C4orf50: variants seen among roughly 807,000 people sequenced by gnomAD.
The protein encoded by C4orf50 is uncharacterized protein C4orf50.
Under a neutral mutation model 77.2 loss-of-function variants are expected in C4orf50, and 80 were observed. The ratio of observed to expected loss-of-function variants is 1.04; its 90% confidence interval spans 0.87 to 1.25. C4orf50 has a LOEUF of 1.25. Ranked by LOEUF, C4orf50 falls within the 50% of genes most tolerant of loss-of-function variation. The pLI, the probability that C4orf50 is intolerant of heterozygous loss-of-function variation, is 0.00. For missense variants in C4orf50, 1,257 were observed against 1,152.9 expected (o/e 1.09, Z -1.31); for synonymous variants, 532 against 465.3 (o/e 1.14, Z -1.84).
chr4:6,004,145 G>T (rs1359522578), intron 25 of C4orf50, among the ~76,000 whole-genome samples: 2 of 141,838 alleles, frequency 1.4e-5, no homozygotes, highest in Admixed American at 6.9e-5. Flanking sequence ...TGATGGTGAT[G>T]ATGGTGATGG....
chr4:5,992,817 A>G lies in C4orf50; in HGVS notation c.1207T>C (p.Ser403Pro). Residue 403 changes from serine to proline, a missense_variant, in exon 27 of 34, where the codon TCC (serine) becomes CCC (proline). Coordinates refer to ENST00000531445, the Ensembl canonical transcript of C4orf50. This position sits in a 1 kb window ranked among gnomAD's most constrained non-coding sequence, Gnocchi z 5.0. ...TCTGGCCTCACCTGTTCACGGTTGG[A>G]TCCGGCCAGGTCTCTGGGGAGCTCG... 1 of 399,092 alleles carries G rather than the reference A, an allele frequency of 2.5e-6. No homozygotes were observed. Among genetic ancestry groups the G allele is most frequent in the Non-Finnish European group, 4.4e-6 (1 of 226,122 alleles). 24.7% of individuals were successfully genotyped at this position (399,092 alleles called of 1,614,324 possible).
intron 25 of C4orf50, among the ~76,000 whole-genome samples, chr4:6,003,972 GCGATGATAGTGA>G (rs1722015014): frequency 7.2e-6 from 1 of 139,546 alleles, no homozygotes; most frequent in Admixed American, 7.3e-5. Context: ...TGATGTGATG[GCGATGATAGTGA>G]TGATGGTGAT....
rs1405618352 is a variant in C4orf50 at position 6,009,971 on chromosome 4, G to A, written c.427-1439C>T. 2.6e-5 allele frequency among the ~76,000 whole-genome samples: 4 copies of A among 152,184 alleles called. No individual in the cohort carries two copies. The highest frequency in any genetic ancestry group is 5.9e-5 in the Non-Finnish European group (4 of 68,024). On this transcript the variant is annotated intron_variant, in intron 24 of 33. Coordinates refer to ENST00000531445, the Ensembl canonical transcript of C4orf50. This position sits in a 1 kb window ranked among gnomAD's most constrained non-coding sequence, Gnocchi z 5.6. ...AGACAGATTTAATAAGACGACGCGT[G>A]TAGAAAAGGGCTTAGTGTTCCCCTG...
At chr4:5,929,606 C>A (rs1010351529) in intron 7 of C4orf50, among the ~76,000 whole-genome samples, 2 of 152,196 alleles carry the variant, frequency 1.3e-5, no homozygotes, top group African/African-American at 2.4e-5. Flanking sequence ...TTCTTATAAG[C>A]AGAAAGAATA....
At chr4:5,930,386 C>A (rs1212444791) in intron 7 of C4orf50, among the ~76,000 whole-genome samples, 2 of 152,230 alleles carry the variant, frequency 1.3e-5, no homozygotes, top group African/African-American at 2.4e-5. Flanking sequence ...CCTTGCTTGA[C>A]TTCCTATCCC....
chr4:5,954,529 G>C (rs946576559), downstream of C4orf50, among the ~76,000 whole-genome samples: 5 of 152,216 alleles, frequency 3.3e-5, no homozygotes, highest in South Asian at 1.0e-3. This position sits in a 1 kb window ranked among gnomAD's most constrained non-coding sequence, Gnocchi z 4.7. Flanking sequence ...TGGGAGGATG[G>C]GGGAGGGGGG....
At chr4:5,984,720 A>G (rs1185705104) in intron 28 of C4orf50, among the ~76,000 whole-genome samples, 1 of 152,174 alleles carries the variant, frequency 6.6e-6, no homozygotes, top group African/African-American at 2.4e-5. Flanking sequence ...GATGTGAAAT[A>G]AAGCCAAAAA....
chr4:5,968,461 A>G (rs892020788), intron 31 of C4orf50, among the ~76,000 whole-genome samples: 2 of 152,148 alleles, frequency 1.3e-5, no homozygotes, highest in African/African-American at 2.4e-5. Flanking sequence ...AGGCTTCGGT[A>G]CCAGGCACAA....
chr4:5,969,391 T>A (rs190058622), intron 31 of C4orf50, among the ~76,000 whole-genome samples: 173 of 150,722 alleles, frequency 1.1e-3, no homozygotes, highest in Non-Finnish European at 2.1e-3. Flanking sequence ...TAGACCAGAT[T>A]CCATTTCCAA....
rs750868258 is a variant in C4orf50, at chr4:5,970,231, C to T, written c.4105-2769G>A. ...ACAGGCCCAGGAAGGTGCCCTGAGCCCTGCTCACTCAAGGCGTCCAGGGGA... is the reference window on the plus strand; with the variant it reads ...ACAGGCCCAGGAAGGTGCCCTGAGCTCTGCTCACTCAAGGCGTCCAGGGGA... On this transcript the variant is annotated intron_variant, in intron 31 of 33. Transcript: ENST00000531445. The surrounding 1 kb of genome is among the most constrained non-coding windows in gnomAD (Gnocchi z 4.3). Among the ~76,000 whole-genome samples the T allele has an allele frequency of 6.6e-6, 1 of 151,934 alleles. No individual in the cohort carries two copies. Among genetic ancestry groups the T allele is most frequent in the Non-Finnish European group, 1.5e-5 (1 of 68,010 alleles).
chr4:5,909,955 T>C (rs1305962292), intron 7 of C4orf50, among the ~76,000 whole-genome samples: 1 of 152,334 alleles, frequency 6.6e-6, no homozygotes, highest in East Asian at 1.9e-4. Context: ...CCCAGCATTT[T>C]TTCCCCCCTC....
intron 7 of C4orf50, among the ~76,000 whole-genome samples, chr4:5,913,325 G>A (rs1324608962): frequency 6.6e-6 from 1 of 152,170 alleles, no homozygotes; most frequent in African/African-American, 2.4e-5. Flanking sequence ...TGAGGAGGAG[G>A]CCGTGTCTCT....
chr4:5,926,093 A>G (rs977161558), intron 7 of C4orf50, among the ~76,000 whole-genome samples: 1 of 152,190 alleles, frequency 6.6e-6, no homozygotes, highest in Non-Finnish European at 1.5e-5. Flanking sequence ...CTTTCGCCCA[A>G]CGTGTCTTTC....
chr4:5,937,122 G>A (rs866523400), intron 7 of C4orf50, among the ~76,000 whole-genome samples: 2 of 151,746 alleles, frequency 1.3e-5, no homozygotes, highest in African/African-American at 2.4e-5. Flanking sequence ...GTGCTCCAGG[G>A]AGAACTAAAC....
chr4:5,984,547 T>C (rs1720761113), intron 28 of C4orf50, among the ~76,000 whole-genome samples: 1 of 152,210 alleles, frequency 6.6e-6, no homozygotes, highest in South Asian at 2.1e-4. Flanking sequence ...AAAATTGATA[T>C]TCTAGAACTG....
chr4:5,903,436 C>T (rs1716420906), intron 7 of C4orf50: 1 of 152,198 alleles, frequency 6.6e-6, no homozygotes, highest in Admixed American at 6.5e-5. Flanking sequence ...AAATGTGGTA[C>T]ATCCACACAT....
intron 27 of C4orf50, among the ~76,000 whole-genome samples, chr4:5,991,380 G>A (rs1306761689): frequency 1.3e-5 from 2 of 152,206 alleles, no homozygotes; most frequent in African/African-American, 2.4e-5. Context: ...GCTGCAGAAG[G>A]CTCTCATGGA....
chr4:5,932,752 A>G lies in C4orf50; in HGVS notation c.*2474+24149T>C, dbSNP rs1329486281. Among the ~76,000 whole-genome samples, 1 of 152,170 alleles carries G rather than the reference A, an allele frequency of 6.6e-6. No individual in the cohort carries two copies. Among genetic ancestry groups the G allele is most frequent in the Non-Finnish European group, 1.5e-5 (1 of 68,026 alleles). ...TCACTGCACCCACATTACAGTATTAAAAAAGCAAGAGAGCTGGATTTCAAT... is the reference window on the plus strand; with the variant it reads ...TCACTGCACCCACATTACAGTATTAGAAAAGCAAGAGAGCTGGATTTCAAT... On this transcript the variant is annotated intron_variant, in intron 7 of 7. Transcript: ENST00000324058. The surrounding 1 kb of genome is among the most constrained non-coding windows in gnomAD (Gnocchi z 4.2).
chr4:5,973,847 A>T lies in C4orf50; in HGVS notation c.3922-6T>A. 1.9e-6 allele frequency: 3 copies of T among 1,603,946 alleles called. No homozygotes were observed. The highest frequency in any genetic ancestry group is 1.3e-5 in the African/African-American group (1 of 74,928). On this transcript the variant is annotated splice_polypyrimidine_tract_variant and splice_region_variant and intron_variant, in intron 30 of 33. Transcript: ENST00000531445. ...ACGAGGGAAGCTATCTTGGCCTGAA[A>T]GGGAGGGAGGCCATGGATGCAGAGC...
Sources: gnomAD v4.1 joint callset for allele counts (sites outside exome capture counted in the v4.1 genomes callset) on GRCh38, gnomAD v4.1.1 for gene constraint, Gnocchi (gnomAD v3.1) non-coding constraint, MANE v1.5 for transcripts, NCBI Gene and HGNC (gene_info 2026-07-23, HGNC 2026-07-21) for gene names.